The following MTFR1 variants were observed in gnomAD, a reference collection of about 807,000 sequenced individuals.
MTFR1 encodes the protein mitochondrial fission regulator 1.
Under a neutral mutation model 38.8 loss-of-function variants are expected in MTFR1, and 28 were observed. The observed-to-expected ratio is 0.72, with a 90% CI of 0.53 to 0.99. MTFR1 has a LOEUF of 0.99. Among genes scored for constraint, MTFR1 ranks in the 50% least tolerant of loss-of-function variants. The pLI is 0.00. For missense variants in MTFR1, 358 were observed against 395.5 expected (o/e 0.91, Z 0.81); for synonymous variants, 145 against 137.0 (o/e 1.06, Z -0.41).
chr8:65,716,783 AT>A (rs1057461094), intron 2 of MTFR1, among the ~76,000 whole-genome samples: 1 of 152,014 alleles, frequency 6.6e-6, no homozygotes. Flanking sequence ...GTGGGCCTGA[AT>A]TTTTAAGGAT....
At chr8:65,715,372 TAAAA>T (rs1162786052), downstream of MTFR1, among the ~76,000 whole-genome samples, 4 of 149,458 alleles carry the variant, frequency 2.7e-5, no homozygotes, top group Non-Finnish European at 5.9e-5. Flanking sequence ...CCTGTCTCTA[TAAAA>T]AAGTTTTTTT....
At chr8:65,708,142 T>C (rs1233711615) in intron 7 of MTFR1, 131 bp downstream of exon 7, 2 of 1,581,678 alleles carry the variant, frequency 1.3e-6, no homozygotes, top group Non-Finnish European at 1.7e-6. Context: ...ATTTGGTCCC[T>C]GCCTTACAAG....
intron 4 of MTFR1, among the ~76,000 whole-genome samples, chr8:65,703,550 C>G (rs1374885007): frequency 6.7e-6 from 1 of 148,370 alleles, no homozygotes; most frequent in Non-Finnish European, 1.5e-5. Context: ...TCTTGTACCT[C>G]AGCCTCCCAA....
chr8:65,715,096 G>A (rs964075815), downstream of MTFR1, among the ~76,000 whole-genome samples: 7 of 152,130 alleles, frequency 4.6e-5, no homozygotes, highest in Admixed American at 1.3e-4. Context: ...CCATGTGTGT[G>A]AAAATTTTTA....
chr8:65,691,611 T>C (rs544848461), intron 3 of MTFR1, among the ~76,000 whole-genome samples: 84 of 152,330 alleles, frequency 5.5e-4, no homozygotes, highest in African/African-American at 1.9e-3. Flanking sequence ...GTGCTTTAGA[T>C]ACTCGATGTT....
At chr8:65,689,630 C>T in intron 3 of MTFR1, 1 of 1,260,762 alleles carries the variant, frequency 7.9e-7, no homozygotes, top group African/African-American at 1.5e-5. Flanking sequence ...TCAAACTTCC[C>T]ATGCATGTCG....
At chr8:65,749,994 G>T (rs747853126) in intron 3 of MTFR1, among the ~76,000 whole-genome samples, 4 of 150,362 alleles carry the variant, frequency 2.7e-5, no homozygotes, top group Admixed American at 6.7e-5. Flanking sequence ...CTAGAAAAAA[G>T]TGGATCTGCA....
downstream of MTFR1, among the ~76,000 whole-genome samples, chr8:65,714,116 A>G (rs971636450): frequency 1.3e-5 from 2 of 151,590 alleles, no homozygotes; most frequent in Admixed American, 6.6e-5. Context: ...ATTATATAAC[A>G]TGTTGCACTT....
chr8:65,707,906 G>A lies in MTFR1; in HGVS notation c.828G>A (p.Glu276=), dbSNP rs767533356. The change falls in exon 7 of 8, where the codon GAG becomes GAA. Residue 276 remains glutamate, a synonymous_variant. Transcript: ENST00000262146. ...DATDPAALIA[E]ALKKKFAYRY... Reference sequence around the variant, plus strand: ...CTGACCCTGCTGCCCTCATAGCAGAGGCTCTGAAAAAGAAATTTGCTTATC... The same window carrying A: ...CTGACCCTGCTGCCCTCATAGCAGAAGCTCTGAAAAAGAAATTTGCTTATC... 1 of 1,614,026 alleles carries A rather than the reference G, an allele frequency of 6.2e-7. No homozygotes were observed. Among genetic ancestry groups the A allele is most frequent in the Non-Finnish European group, 8.5e-7 (1 of 1,180,006 alleles).
In MTFR1 at chr8:65,754,572, G is replaced by A. The variant is rs1047432444; in HGVS notation, c.*49-16375G>A. On this transcript the variant is annotated intron_variant, in intron 3 of 3. Transcript: ENST00000521247. The stretch of plus-strand genomic sequence containing the variant: ...AGGCTGGTCTCGAACTCCTGACCTT[G>A]TGATCCGCCCGCCTCGGCCTCCCAA... 1.1e-4 allele frequency among the ~76,000 whole-genome samples: 17 copies of A among 150,946 alleles called. No homozygotes were observed. The East Asian group carries it at 1.4e-3, about 12-fold the overall frequency.
intron 4 of MTFR1, among the ~76,000 whole-genome samples, chr8:65,700,349 T>TAAAAAAAA (rs551471575): frequency 6.6e-5 from 7 of 106,806 alleles, no homozygotes; most frequent in Admixed American, 1.0e-4. Context: ...AGACCTATCT[T>TAAAAAAAA]AAAAAAAAAA....
chr8:65,755,396 C>T (rs994669080), intron 3 of MTFR1, among the ~76,000 whole-genome samples: 2 of 152,034 alleles, frequency 1.3e-5, no homozygotes, highest in African/African-American at 4.8e-5. Flanking sequence ...CCCTCCTTTC[C>T]TGTTTTGTGT....
chr8:65,728,364 G>A (rs1806694192), intron 3 of MTFR1: 1 of 152,072 alleles, frequency 6.6e-6, no homozygotes, highest in South Asian at 2.1e-4. Context: ...CTGCTAGAAC[G>A]AATCAATCAT....
At chr8:65,734,733 G>T in intron 3 of MTFR1, 1 of 931,116 alleles carries the variant, frequency 1.1e-6, no homozygotes, top group Non-Finnish European at 1.8e-6. Context: ...AGAAGTATGT[G>T]AAAGTAAATC....
chr8:65,682,742 CTT>C, intron 3 of MTFR1: 1 of 984,492 alleles, frequency 1.0e-6, no homozygotes, highest in South Asian at 4.7e-5. Flanking sequence ...CAAACATAGG[CTT>C]TATATTATTC....
intron 5 of MTFR1, among the ~76,000 whole-genome samples, chr8:65,706,333 C>T (rs1805779459): frequency 6.6e-6 from 1 of 152,192 alleles, no homozygotes; most frequent in African/African-American, 2.4e-5. Context: ...CAACACCTCC[C>T]CAATCAAACT....
chr8:65,723,724 C>T, intron 3 of MTFR1: 1 of 787,830 alleles, frequency 1.3e-6, no homozygotes, highest in East Asian at 3.4e-5. Flanking sequence ...GAAAAACATA[C>T]TTAATCCTCA....
intron 1 of MTFR1, among the ~76,000 whole-genome samples, chr8:65,646,844 C>T (rs1183555767): frequency 6.6e-6 from 1 of 152,178 alleles, no homozygotes; most frequent in East Asian, 1.9e-4. Context: ...CCTTCATCCT[C>T]CCAATCTTAA....
chr8:65,669,931 T>C lies in MTFR1; in HGVS notation c.-22T>C, dbSNP rs79834195. The C allele has an allele frequency of 6.9e-6, 11 of 1,601,864 alleles. No homozygotes were observed. The highest frequency in any genetic ancestry group is 2.2e-5 in the East Asian group (1 of 44,620). On this transcript the variant is annotated 5_prime_UTR_variant, in exon 2 of 8. Coordinates refer to ENST00000262146, the MANE Select transcript of MTFR1 (RefSeq NM_014637.4). ...CTGAAGAAGTACTTGAAATGCAAAT[T>C]TGGGGAGACTTTGCCATATAAATGC...
Sources: gnomAD v4.1 joint callset for allele counts (sites outside exome capture counted in the v4.1 genomes callset) on GRCh38, gnomAD v4.1.1 for gene constraint, MANE v1.5 for transcripts, NCBI Gene and HGNC (gene_info 2026-07-23, HGNC 2026-07-21) for gene names.